The following EFCAB11 variants were observed in gnomAD, a reference collection of about 807,000 sequenced individuals.
EFCAB11 encodes the protein EF-hand calcium binding domain 11, also known as EF-hand calcium-binding domain-containing protein 11.
In EFCAB11, 14 loss-of-function variants were observed where a neutral mutation model predicts 23.0. That is an observed-to-expected ratio of 0.61 (90% CI 0.40 to 0.95). EFCAB11 has a LOEUF of 0.95. EFCAB11 is among the 40% of genes least tolerant of loss of function. The pLI is 0.00. For synonymous variants in EFCAB11, 65 were observed against 66.6 expected, an observed-to-expected ratio of 0.98 and a Z score of 0.11; for missense variants, 198 against 195.8, an observed-to-expected ratio of 1.01 and a Z score of -0.07.
intron 5 of EFCAB11, among the ~76,000 whole-genome samples, chr14:89,918,264 C>T (rs1401384015): frequency 1.3e-5 from 2 of 152,038 alleles, no homozygotes; most frequent in African/African-American, 2.4e-5. Context: ...GAAGGCTGGG[C>T]GTGGTGGCTC....
intron 5 of EFCAB11, among the ~76,000 whole-genome samples, chr14:89,856,329 C>T (rs1054519211): frequency 9.9e-5 from 15 of 152,016 alleles, no homozygotes; most frequent in African/African-American, 3.4e-4. Flanking sequence ...ACTGGGACTA[C>T]AGGCGCGTGC....
At chr14:89,909,406 C>T (rs1302691989) in intron 5 of EFCAB11, among the ~76,000 whole-genome samples, 7 of 152,100 alleles carry the variant, frequency 4.6e-5, no homozygotes, top group Admixed American at 2.0e-4. Flanking sequence ...GGCAAAACCT[C>T]GTCTCTACTA....
intron 5 of EFCAB11, among the ~76,000 whole-genome samples, chr14:89,915,470 G>C (rs1889811484): frequency 6.6e-6 from 1 of 152,232 alleles, no homozygotes; most frequent in African/African-American, 2.4e-5. Flanking sequence ...ACTGGTGAAA[G>C]AGGTGTACTG....
At chr14:89,839,488 G>A (rs1370717536) in intron 5 of EFCAB11, among the ~76,000 whole-genome samples, 2 of 152,038 alleles carry the variant, frequency 1.3e-5, no homozygotes, top group Admixed American at 6.5e-5. Context: ...ACTTACAGGA[G>A]GATCCATTAT....
intron 5 of EFCAB11, among the ~76,000 whole-genome samples, chr14:89,823,076 G>A (rs902101769): frequency 6.6e-6 from 1 of 152,136 alleles, no homozygotes; most frequent in African/African-American, 2.4e-5. Flanking sequence ...TCCTGTGATT[G>A]TTATATTACC....
At chr14:89,927,578 C>G (rs76947713) in intron 5 of EFCAB11, among the ~76,000 whole-genome samples, 1 of 152,114 alleles carries the variant, frequency 6.6e-6, no homozygotes, top group African/African-American at 2.4e-5. Context: ...GCCTCAGCAG[C>G]TGATTTTTTT....
At chr14:89,838,364 C>G (rs1457585313) in intron 5 of EFCAB11, among the ~76,000 whole-genome samples, 5 of 151,198 alleles carry the variant, frequency 3.3e-5, no homozygotes, top group East Asian at 3.9e-4. Context: ...GCAGGATTGA[C>G]AGAGCTGAAA....
intron 5 of EFCAB11, among the ~76,000 whole-genome samples, chr14:89,832,822 C>T (rs1333209480): frequency 6.6e-6 from 1 of 152,084 alleles, no homozygotes; most frequent in African/African-American, 2.4e-5. Context: ...ACTCAAAGTA[C>T]GGTTTCTACT....
chr14:89,852,258 T>A (rs1887621125), intron 5 of EFCAB11, among the ~76,000 whole-genome samples: 3 of 152,222 alleles, frequency 2.0e-5, no homozygotes, highest in Admixed American at 2.0e-4. Context: ...GGACCAGAAG[T>A]TAATCAGTTA....
intron 5 of EFCAB11, among the ~76,000 whole-genome samples, chr14:89,911,022 C>G (rs2140215631): frequency 6.6e-6 from 1 of 152,300 alleles, no homozygotes; most frequent in East Asian, 1.9e-4. Flanking sequence ...AGTACACACA[C>G]TATGGATCAG....
At chr14:89,933,241 T>A (rs867906388) in intron 3 of EFCAB11, among the ~76,000 whole-genome samples, 1 of 152,232 alleles carries the variant, frequency 6.6e-6, no homozygotes, top group African/African-American at 2.4e-5. Context: ...GAGCCCAGCA[T>A]GATAAAATGA....
intron 5 of EFCAB11, chr14:89,848,440 A>G (rs1048332488): frequency 2.6e-5 from 4 of 152,210 alleles, no homozygotes; most frequent in East Asian, 3.8e-4. Context: ...GCTGATTTCA[A>G]GCTATGAAGG....
intron 5 of EFCAB11, among the ~76,000 whole-genome samples, chr14:89,872,500 C>G (rs937698536): frequency 6.6e-6 from 1 of 152,172 alleles, no homozygotes; most frequent in Non-Finnish European, 1.5e-5. Flanking sequence ...TTCAGAATAA[C>G]CTCTCTGACG....
intron 5 of EFCAB11, among the ~76,000 whole-genome samples, chr14:89,928,779 TTAAA>T (rs1487870025): frequency 1.5e-4 from 22 of 147,376 alleles, no homozygotes; most frequent in African/African-American, 5.4e-4. Context: ...GCATATATAA[TTAAA>T]TAAATGCAAT....
intron 5 of EFCAB11, among the ~76,000 whole-genome samples, chr14:89,875,624 TA>T (rs2140168807): frequency 6.6e-6 from 1 of 152,150 alleles, no homozygotes; most frequent in African/African-American, 2.4e-5. Context: ...CAAAGAAAGT[TA>T]TACAAAAAAG....
chr14:89,862,504 G>A (rs1316704180), intron 5 of EFCAB11, among the ~76,000 whole-genome samples: 1 of 152,140 alleles, frequency 6.6e-6, no homozygotes, highest in African/African-American at 2.4e-5. Context: ...AGAAAACTGT[G>A]GGTCAGAGAC....
chr14:89,945,983 A>G (rs958960117), intron 3 of EFCAB11, among the ~76,000 whole-genome samples: 11 of 151,018 alleles, frequency 7.3e-5, no homozygotes, highest in African/African-American at 2.7e-4. Flanking sequence ...CCGTGATGCA[A>G]TCTGGGCTCA....
chr14:89,908,276 G>A (rs1596446913), intron 5 of EFCAB11, among the ~76,000 whole-genome samples: 2 of 152,146 alleles, frequency 1.3e-5, no homozygotes, highest in Admixed American at 6.5e-5. Flanking sequence ...ACAGGCATTC[G>A]CTCGCTTAAT....
chr14:89,923,029 A>G (rs558955219), intron 5 of EFCAB11, among the ~76,000 whole-genome samples: 59 of 152,346 alleles, frequency 3.9e-4, no homozygotes, highest in Non-Finnish European at 7.5e-4. Context: ...GAGACTAAAT[A>G]TTCCTTCCAA....
Sources: allele counts gnomAD v4.1 joint callset (sites outside exome capture counted in the v4.1 genomes callset), GRCh38; gene constraint gnomAD v4.1.1; transcripts MANE v1.5; gene names NCBI Gene and HGNC (gene_info 2026-07-23, HGNC 2026-07-21).